The following CNTNAP2 variants were observed in gnomAD, a reference collection of about 807,000 sequenced individuals.
CNTNAP2 encodes contactin-associated protein-like 2.
Under a neutral mutation model 155.2 loss-of-function variants are expected in CNTNAP2, and 98 were observed. The ratio of observed to expected loss-of-function variants is 0.63; its 90% CI spans 0.54 to 0.75. CNTNAP2 has a LOEUF of 0.75. CNTNAP2 is among the 30% of genes least tolerant of loss of function. The probability of loss-of-function intolerance (pLI) is 0.00; values close to 1 mark genes in which losing one functional copy is unlikely to be tolerated. For missense variants in CNTNAP2, 1,727 were observed against 1,688.1 expected (o/e 1.02, Z -0.40); for synonymous variants, 651 against 631.2 (o/e 1.03, Z -0.47).
In CNTNAP2 at chr7:146,835,868, A is replaced by C. The variant is rs148062065; in HGVS notation, c.209-3843A>C. Among the ~76,000 whole-genome samples the C allele has an allele frequency of 2.0e-3, 297 of 152,276 alleles. 1 individual carries two copies. Among genetic ancestry groups the C allele is most frequent in the African/African-American group, 6.6e-3 (274 of 41,576 alleles). Reference sequence around the variant, plus strand: ...AATGAAGTCTTTGACCAATCCCTGCAGGGAGCTCTGAGACTGTGAAGACAC... The same window carrying C: ...AATGAAGTCTTTGACCAATCCCTGCCGGGAGCTCTGAGACTGTGAAGACAC... On this transcript the variant is annotated intron_variant, in intron 2 of 23. Coordinates refer to ENST00000361727, the MANE Select transcript of CNTNAP2 (RefSeq NM_014141.6).
chr7:146,869,320 C>T (rs1408804339), intron 3 of CNTNAP2, among the ~76,000 whole-genome samples: 1 of 152,132 alleles, frequency 6.6e-6, no homozygotes, highest in Non-Finnish European at 1.5e-5. Context: ...TGATGAATCA[C>T]ATGTATTGAC....
chr7:146,256,128 T>A (rs988144094), intron 1 of CNTNAP2, among the ~76,000 whole-genome samples: 2 of 152,308 alleles, frequency 1.3e-5, no homozygotes, highest in Non-Finnish European at 2.9e-5. Flanking sequence ...GGGCAAACCC[T>A]ACTGGAAGCT....
intron 3 of CNTNAP2, among the ~76,000 whole-genome samples, chr7:146,917,073 G>A (rs369490797): frequency 1.3e-5 from 2 of 152,170 alleles, no homozygotes; most frequent in East Asian, 3.9e-4. Flanking sequence ...TTTCATTGTT[G>A]ACCCAATGAT....
intron 16 of CNTNAP2, among the ~76,000 whole-genome samples, chr7:148,138,116 C>T (rs1386550811): frequency 7.9e-5 from 12 of 152,186 alleles, no homozygotes; most frequent in African/African-American, 2.7e-4. Flanking sequence ...CAGACGTCCC[C>T]TTGGCTGCTT....
chr7:146,841,555 G>A (rs887843950), intron 3 of CNTNAP2, among the ~76,000 whole-genome samples: 1 of 151,876 alleles, frequency 6.6e-6, no homozygotes, highest in African/African-American at 2.4e-5. Context: ...AATTGCTTGA[G>A]GGGTTTACTT....
chr7:146,967,186 G>A (rs1797675028), intron 3 of CNTNAP2, among the ~76,000 whole-genome samples: 1 of 152,152 alleles, frequency 6.6e-6, no homozygotes, highest in Admixed American at 6.5e-5. Context: ...ACTTAAAGAT[G>A]TCAGGTGGAA....
chr7:147,024,860 G>A (rs1235065049), intron 3 of CNTNAP2, among the ~76,000 whole-genome samples: 1 of 152,244 alleles, frequency 6.6e-6, no homozygotes, highest in East Asian at 1.9e-4. Flanking sequence ...AAGGTGAAGG[G>A]GAAGCAGGTG....
At chr7:147,704,452 C>A in intron 13 of CNTNAP2, 1 of 165,530 alleles carries the variant, frequency 6.0e-6, no homozygotes. Flanking sequence ...GTTGGACAGC[C>A]AAAGCCACTG....
intron 9 of CNTNAP2, among the ~76,000 whole-genome samples, chr7:147,343,324 T>C (rs1795795614): frequency 6.6e-6 from 1 of 152,178 alleles, no homozygotes; most frequent in Admixed American, 6.5e-5. Context: ...AATGAGTAGC[T>C]TACTTTGTAA....
chr7:146,875,639 G>T (rs1795403322), intron 3 of CNTNAP2, among the ~76,000 whole-genome samples: 1 of 151,452 alleles, frequency 6.6e-6, no homozygotes, highest in Non-Finnish European at 1.5e-5. Context: ...GCTCCAAGGT[G>T]TAAAACTACC....
At chr7:146,678,838 G>A (rs762412420) in intron 1 of CNTNAP2, among the ~76,000 whole-genome samples, 24 of 152,082 alleles carry the variant, frequency 1.6e-4, no homozygotes, top group Non-Finnish European at 2.6e-4. Context: ...TAAAGTAGGT[G>A]GAGTAATTTG....
intron 14 of CNTNAP2, among the ~76,000 whole-genome samples, chr7:147,975,296 A>G (rs755987408): frequency 5.3e-5 from 8 of 152,128 alleles, no homozygotes; most frequent in Admixed American, 4.6e-4. Context: ...GTTACTTCTG[A>G]TGGAGTGTAC....
chr7:147,738,661 TA>T (rs749025137), intron 13 of CNTNAP2, among the ~76,000 whole-genome samples: 1,746 of 14,026 alleles, frequency 0.12, 67 homozygotes, highest in East Asian at 0.24. Flanking sequence ...TTTTTTTTTT[TA>T]TTTTTTTTTT....
intron 1 of CNTNAP2, among the ~76,000 whole-genome samples, chr7:146,393,887 T>C (rs13247443): frequency 6.6e-6 from 1 of 152,168 alleles, no homozygotes; most frequent in African/African-American, 2.4e-5. Flanking sequence ...GTAGCCTCCA[T>C]ATTTTGTTCA....
intron 13 of CNTNAP2, among the ~76,000 whole-genome samples, chr7:147,688,934 G>A (rs1005208961): frequency 6.6e-6 from 1 of 152,080 alleles, no homozygotes; most frequent in Non-Finnish European, 1.5e-5. Context: ...CTACCAAGGG[G>A]TCACTCAAAA....
At chr7:147,337,237 C>T (rs879728140) in intron 9 of CNTNAP2, among the ~76,000 whole-genome samples, 7 of 152,020 alleles carry the variant, frequency 4.6e-5, no homozygotes, top group Non-Finnish European at 7.4e-5. Context: ...CCCACTAAGG[C>T]ACAGGAAAAC....
chr7:147,021,265 C>T (rs1584787599), intron 3 of CNTNAP2, among the ~76,000 whole-genome samples: 1 of 61,160 alleles, frequency 1.6e-5, no homozygotes, highest in Non-Finnish European at 3.7e-5. Context: ...CAAGACAATT[C>T]TTCTTTCAAT....
At chr7:147,709,138 T>A (rs1196398868) in intron 13 of CNTNAP2, among the ~76,000 whole-genome samples, 1 of 152,142 alleles carries the variant, frequency 6.6e-6, no homozygotes, top group Non-Finnish European at 1.5e-5. Context: ...AAACCAAGGT[T>A]ACGCTCTTCT....
At chr7:147,532,013 T>C (rs1028831151) in intron 11 of CNTNAP2, among the ~76,000 whole-genome samples, 2 of 152,036 alleles carry the variant, frequency 1.3e-5, no homozygotes, top group South Asian at 2.1e-4. Flanking sequence ...TTCACCATGT[T>C]AGCCAGGATG....
Sources: gnomAD v4.1 joint callset for allele counts (sites outside exome capture counted in the v4.1 genomes callset) on GRCh38, gnomAD v4.1.1 for gene constraint, MANE v1.5 for transcripts, NCBI Gene and HGNC (gene_info 2026-07-23, HGNC 2026-07-21) for gene names.